Variants in EPG5 observed in about 807,000 individuals in gnomAD.
The protein encoded by EPG5 is ectopic P granules protein 5 homolog.
A neutral mutation model predicts 302.7 loss-of-function variants in EPG5; 159 were observed. The ratio of observed to expected loss-of-function variants is 0.53; its 90% confidence interval spans 0.46 to 0.60. EPG5 has a LOEUF of 0.60. Among genes scored for constraint, EPG5 ranks in the 20% least tolerant of loss-of-function variants. The pLI, the probability that EPG5 is intolerant of heterozygous loss-of-function variation, is 0.00. For synonymous variants in EPG5, 1,158 were observed against 1,136.8 expected (o/e 1.02, Z -0.37); for missense variants, 2,896 against 3,092.4 (o/e 0.94, Z 1.51).
chr18:45,931,389 T>C (rs1389080239), intron 11 of EPG5, among the ~76,000 whole-genome samples: 2 of 152,182 alleles, frequency 1.3e-5, no homozygotes, highest in African/African-American at 2.4e-5. Context: ...ATAAACGATA[T>C]AATAAATGTG....
Position 45,860,147 on chromosome 18 carries a change from C to T in EPG5, c.6966G>A (p.Met2322Ile). Residue 2322 changes from methionine to isoleucine, a missense_variant, in exon 40 of 44, where the codon ATG becomes ATA. Met to Ile is a conservative substitution (Grantham distance 10, BLOSUM62 1). Around this residue, in one of 5 missense-constraint regions of EPG5, gnomAD observed 620 missense variants for 704.2 expected, o/e 0.88. Coordinates refer to ENST00000282041, the MANE Select transcript of EPG5 (RefSeq NM_020964.3). ...ACQSLASVRHMAETTEACITA... is the reference protein window; with the variant it reads ...ACQSLASVRHIAETTEACITA... ...TGATGCAGGCTTCTGTAGTCTCAGCCATGTGGCGGACGGACGCCAGGCTCT... is the reference window on the plus strand; with the variant it reads ...TGATGCAGGCTTCTGTAGTCTCAGCTATGTGGCGGACGGACGCCAGGCTCT... The T allele has an allele frequency of 6.2e-7, 1 of 1,614,248 alleles. No individual in the cohort carries two copies. Among genetic ancestry groups the T allele is most frequent in the African/African-American group, 1.3e-5 (1 of 75,074 alleles).
At chr18:45,869,054 CAA>C (rs139057138) in intron 36 of EPG5, among the ~76,000 whole-genome samples, 7 of 98,370 alleles carry the variant, frequency 7.1e-5, no homozygotes, top group African/African-American at 1.7e-4. Context: ...GACTCCGTCT[CAA>C]AAAAAAAAAA....
intron 1 of EPG5, among the ~76,000 whole-genome samples, chr18:45,960,259 T>C (rs1195503697): frequency 1.3e-5 from 2 of 152,228 alleles, no homozygotes; most frequent in South Asian, 2.1e-4. Context: ...GCCAAAGGTA[T>C]TTCCTTTTTT....
At chr18:45,837,851 C>A in the EPG5 span, 1 of 1,539,462 alleles carries the variant, frequency 6.5e-7, no homozygotes, top group East Asian at 2.6e-5. Flanking sequence ...CGGCGACGTC[C>A]ATGACCGCTA....
At chr18:45,893,734 TA>T (rs1319693738) in intron 27 of EPG5, among the ~76,000 whole-genome samples, 1 of 152,118 alleles carries the variant, frequency 6.6e-6, no homozygotes, top group Non-Finnish European at 1.5e-5. Context: ...AGAGTAAAAA[TA>T]TACAGTAAGC....
At chr18:45,838,892 C>A in the EPG5 span, 2 of 1,596,728 alleles carry the variant, frequency 1.3e-6, no homozygotes, top group African/African-American at 2.7e-5. Flanking sequence ...CTAGTGACCG[C>A]CGAACTGCCC....
chr18:45,889,101 A>G (rs971745549), intron 28 of EPG5, among the ~76,000 whole-genome samples: 1 of 152,140 alleles, frequency 6.6e-6, no homozygotes, highest in Non-Finnish European at 1.5e-5. Context: ...CCCAACACAC[A>G]AAAGGACTCG....
Position 45,880,331 on chromosome 18 carries a change from A to G in EPG5, c.5519-108T>C, listed in dbSNP as rs912336880. 19 of 1,123,754 alleles carry G rather than the reference A, an allele frequency of 1.7e-5. 1 individual carries two copies. Among genetic ancestry groups the G allele is most frequent in the Non-Finnish European group, 2.3e-5 (19 of 838,002 alleles). 69.6% of individuals were successfully genotyped at this position (1,123,754 alleles called of 1,614,324 possible). A position where few individuals can be genotyped will look rare whatever the true frequency, so the allele number is the denominator to read the frequency against. ...ATAAAGGAATAAAAATAAAGCCAAA[A>G]TCCAAAACAAACTCACAGGGATATC... On this transcript the variant is annotated intron_variant, in intron 31 of 43. Transcript: ENST00000282041.
Position 45,954,540 on chromosome 18 carries a change from GC to G in EPG5, c.861del (p.Arg287SerfsTer9). 1 of 1,614,208 alleles carries G rather than the reference GC, an allele frequency of 6.2e-7. No individual in the cohort carries two copies. The highest frequency in any genetic ancestry group is 1.1e-5 in the South Asian group (1 of 91,082). The part of the protein sequence containing the change: ...EEFDSMAHQD[R>X]HEFYELLLNY... ...TTCAAAAGCAACTCATAAAATTCAT[GC>G]CTGTCTTGATGAGCCATGCTGTCAA... On this transcript the variant is annotated frameshift_variant, in exon 2 of 44. Transcript: ENST00000282041. LOFTEE classifies it high-confidence loss of function.
chr18:45,934,079 A>C (rs1458089169), intron 11 of EPG5, among the ~76,000 whole-genome samples: 1 of 152,162 alleles, frequency 6.6e-6, no homozygotes, highest in Non-Finnish European at 1.5e-5. Context: ...ACCTGAGGTC[A>C]GGAGTTCAAG....
chr18:45,889,185 C>A (rs984983021), intron 28 of EPG5, among the ~76,000 whole-genome samples: 1 of 152,178 alleles, frequency 6.6e-6, no homozygotes, highest in African/African-American at 2.4e-5. Context: ...AGTCAGTCAC[C>A]TTAAAGTAAA....
chr18:45,946,570 T>G (rs2145927491), intron 7 of EPG5, 93 bp downstream of exon 7: 3,588 of 859,036 alleles, frequency 4.2e-3, no homozygotes, highest in Non-Finnish European at 5.7e-3. Context: ...GAGAATTAAA[T>G]GAGATACTAT....
chr18:45,802,803 A>G, the EPG5 span, among the ~76,000 whole-genome samples: 1 of 152,204 alleles, frequency 6.6e-6, no homozygotes, highest in Non-Finnish European at 1.5e-5. Context: ...GTGAACAGAA[A>G]ATGTCTTCTA....
chr18:45,812,043 T>G, the EPG5 span, among the ~76,000 whole-genome samples: 150 of 152,338 alleles, frequency 9.8e-4, 2 homozygotes, highest in African/African-American at 3.5e-3. Flanking sequence ...AAAATCTCCT[T>G]AAGCTGATAA....
intron 2 of EPG5, 81 bp downstream of exon 2, chr18:45,954,313 T>C: frequency 7.7e-7 from 1 of 1,306,178 alleles, no homozygotes; most frequent in Non-Finnish European, 1.1e-6. Flanking sequence ...AGAGTGGGTG[T>C]AAGGCACAGA....
intron 26 of EPG5, 24 bp downstream of exon 26, chr18:45,900,972 A>T (rs1460408383): frequency 6.3e-7 from 1 of 1,592,788 alleles, no homozygotes; most frequent in Non-Finnish European, 8.6e-7. Flanking sequence ...TGGGAACATG[A>T]TCCGTGAGGC....
At chr18:45,837,432 G>T in the EPG5 span, 1 of 1,396,656 alleles carries the variant, frequency 7.2e-7, no homozygotes, top group South Asian at 1.6e-5. Flanking sequence ...AGCGTTTCCT[G>T]GGTCGTGGGG....
chr18:45,933,605 G>C (rs1406077282), intron 11 of EPG5, among the ~76,000 whole-genome samples: 1 of 151,734 alleles, frequency 6.6e-6, no homozygotes, highest in African/African-American at 2.4e-5. Context: ...TTGAGCCCGG[G>C]AGATGGAAGT....
Position 45,867,700 on chromosome 18 carries a change from G to A in EPG5, c.6274C>T (p.Leu2092Phe), listed in dbSNP as rs1388230855. 1.2e-6 allele frequency: 2 copies of A among 1,611,020 alleles called. No individual in the cohort carries two copies. Among genetic ancestry groups the A allele is most frequent in the African/African-American group, 2.7e-5 (2 of 74,668 alleles). The change falls in exon 37 of 44, where the codon CTC (leucine) becomes TTC (phenylalanine). Residue 2092 changes from leucine (L) to phenylalanine (F), a missense_variant. By Grantham distance (22) the Leu-to-Phe change is conservative (BLOSUM62 0). Around this residue, in one of 5 missense-constraint regions of EPG5, gnomAD observed 620 missense variants for 704.2 expected, o/e 0.88. Coordinates refer to ENST00000282041, the MANE Select transcript of EPG5 (RefSeq NM_020964.3). The part of the protein sequence containing the change: ...KSCFLFLGSV[L>F]CEVNWVSVLS... ...ACACTAACCCAGTTGACTTCACAGAGTACAGACCCCAAAAATAAGAAACAG... is the reference window on the plus strand; with the variant it reads ...ACACTAACCCAGTTGACTTCACAGAATACAGACCCCAAAAATAAGAAACAG...
Sources: gnomAD v4.1 joint callset for allele counts (sites outside exome capture counted in the v4.1 genomes callset) on GRCh38, gnomAD v4.1.1 for gene constraint, gnomAD v4.1.1 regional missense constraint, MANE v1.5 for transcripts, NCBI Gene and HGNC (gene_info 2026-07-23, HGNC 2026-07-21) for gene names.